HNRNPU: variants seen among roughly 807,000 people sequenced by gnomAD.
HNRNPU encodes the protein HNRNPU antisense RNA 1.
HNRNPU carries 5 observed loss-of-function variants against 94.7 expected under a neutral mutation model. The ratio of observed to expected loss-of-function variants is 0.05; its 90% CI spans 0.03 to 0.11. The LOEUF (loss-of-function observed/expected upper bound fraction) is 0.11. Ranked by LOEUF, HNRNPU falls within the 10% of genes least tolerant of loss-of-function variation. The pLI is 1.00. For missense variants in HNRNPU, 710 were observed against 1,049.2 expected, an observed-to-expected ratio of 0.68 and a Z score of 4.47; for synonymous variants, 434 against 381.6, an observed-to-expected ratio of 1.14 and a Z score of -1.60.
Position 244,863,819 on chromosome 1 carries a change from A to C in HNRNPU, c.489T>G (p.Pro163=), listed in dbSNP as rs760562563. 38 of 1,607,932 alleles carry C rather than the reference A, an allele frequency of 2.4e-5. No individual in the cohort carries two copies. Among genetic ancestry groups the C allele is most frequent in the Non-Finnish European group, 3.2e-5 (38 of 1,178,022 alleles). ...GTTGCTGCTGCGTCGCCGGCGGTTGAGGCTGCTGCTCCCCGTGCCCGTTCT... is the reference window on the plus strand; with the variant it reads ...GTTGCTGCTGCGTCGCCGGCGGTTGCGGCTGCTGCTCCCCGTGCCCGTTCT... The part of the protein sequence containing the change: ...GDENGHGEQQ[P]QPPATQQQQP... Residue 163 remains proline, a synonymous_variant, in exon 1 of 14, where the codon CCT becomes CCG. Coordinates refer to ENST00000640218, the MANE Select transcript of HNRNPU (RefSeq NM_031844.3).
In HNRNPU at chr1:244,856,711, T is replaced by G; in HGVS notation, c.1743+17A>C. On this transcript the variant is annotated intron_variant, in intron 9 of 13. Coordinates refer to ENST00000640218, the MANE Select transcript of HNRNPU (RefSeq NM_031844.3). ...AATTATCAGTTAATATTTTTCAATTTCAAAGCTACAGCGTACCTGATCCAG... is the reference window on the plus strand; with the variant it reads ...AATTATCAGTTAATATTTTTCAATTGCAAAGCTACAGCGTACCTGATCCAG... 1 of 1,606,686 alleles carries G rather than the reference T, an allele frequency of 6.2e-7. No homozygotes were observed. Among genetic ancestry groups the G allele is most frequent in the African/African-American group, 1.3e-5 (1 of 74,330 alleles).
At chr1:244,859,779 T>C (rs998649916) in intron 4 of HNRNPU, 7 of 158,530 alleles carry the variant, frequency 4.4e-5, no homozygotes, top group African/African-American at 7.2e-5. Flanking sequence ...TAGCTCTGCA[T>C]GGCAAGTTCT....
chr1:244,858,801 T>C lies in HNRNPU; in HGVS notation c.1158A>G (p.Ile386Met). The change falls in exon 6 of 14, where the codon ATA (isoleucine) becomes ATG (methionine). Residue 386 changes from isoleucine to methionine, a missense_variant. This residue lies in a region of HNRNPU where 150 missense variants were observed against 187.9 expected (regional missense o/e 0.80). Coordinates refer to ENST00000640218, the MANE Select transcript of HNRNPU (RefSeq NM_031844.3). Reference sequence around the variant, plus strand: ...CTTCAGTCTCACAGTTGCATGTTTTTATTCCTTTTAGAGAATACCCATAAG... The same window carrying C: ...CTTCAGTCTCACAGTTGCATGTTTTCATTCCTTTTAGAGAATACCCATAAG... The part of the protein sequence containing the change: ...EFSYGYSLKG[I>M]KTCNCETEDY... The C allele has an allele frequency of 1.3e-6, 2 of 1,584,820 alleles. No individual in the cohort carries two copies. The highest frequency in any genetic ancestry group is 1.7e-6 in the Non-Finnish European group (2 of 1,154,028).
intron 10 of HNRNPU, 70 bp downstream of exon 10, chr1:244,856,387 G>A: frequency 6.9e-7 from 1 of 1,459,170 alleles, no homozygotes; most frequent in Middle Eastern, 1.8e-4. Context: ...AGTTACACAA[G>A]CAGAATATGT....
At position 244,851,392 on chromosome 1, in the gene HNRNPU, T is replaced by C. The variant is rs1383480501; in HGVS notation, c.*3058A>G. ...ACATGGTCCTAGAATAAAAAGTCAA[T>C]TTATATTGTGAATAAATTTATCAAA... On this transcript the variant is annotated 3_prime_UTR_variant, in exon 14 of 14. Coordinates refer to ENST00000640218, the MANE Select transcript of HNRNPU (RefSeq NM_031844.3). The C allele has an allele frequency of 6.6e-6, 1 of 152,200 alleles. No individual in the cohort carries two copies. The highest frequency in any genetic ancestry group is 6.5e-5 in the Admixed American group (1 of 15,272). 9.4% of individuals were successfully genotyped at this position (152,200 alleles called of 1,614,324 possible). A position where few individuals can be genotyped will look rare whatever the true frequency, so the allele number is the denominator to read the frequency against.
chr1:244,855,607 G>A lies in HNRNPU; in HGVS notation c.2169C>T (p.Ala723=), dbSNP rs11537737. ...NMRGGNFRGG[A]PGNRGGYNRR... ...TATTATATCCGCCACGATTCCCAGG[G>A]GCTAAAAGACAAGAGCTGTTTTAGT... The change falls in exon 12 of 14, where the codon GCC becomes GCT. Residue 723 remains alanine, a splice_region_variant and synonymous_variant. Transcript: ENST00000640218. 11,138 of 1,613,750 alleles carry A rather than the reference G, an allele frequency of 6.9e-3. 48 individuals carry two copies. The highest frequency in any genetic ancestry group is 8.2e-3 in the Non-Finnish European group (9,616 of 1,179,834).
At position 244,860,317 on chromosome 1, in the gene HNRNPU, T is replaced by C; in HGVS notation, c.1017+18A>G. 1 of 1,603,130 alleles carries C rather than the reference T, an allele frequency of 6.2e-7. No individual in the cohort carries two copies. Among genetic ancestry groups the C allele is most frequent in the Non-Finnish European group, 8.5e-7 (1 of 1,174,252 alleles). ...CTGTCTCCACAAACAAACAAACAAATCATAAAATTGCATTTACCTTCATCT... is the reference window on the plus strand; with the variant it reads ...CTGTCTCCACAAACAAACAAACAAACCATAAAATTGCATTTACCTTCATCT... On this transcript the variant is annotated intron_variant, in intron 4 of 13. Transcript: ENST00000640218.
Position 244,862,631 on chromosome 1 carries a change from T to C in HNRNPU, c.791A>G (p.Asn264Ser), listed in dbSNP as rs779965460. ...GRGYFEYIEE[N>S]KYSRAKSPQP... ...GAGCATCCTATACCTGCTATACTTGTTCTCTTCAATGTACTCAAAATATCC... is the reference window on the plus strand; with the variant it reads ...GAGCATCCTATACCTGCTATACTTGCTCTCTTCAATGTACTCAAAATATCC... Residue 264 changes from asparagine to serine, a missense_variant, in exon 2 of 14, where the codon AAC becomes AGC. By Grantham distance (46) the Asn-to-Ser change is conservative. This residue lies in a region of HNRNPU where 13 missense variants were observed against 45.3 expected (regional missense o/e 0.29). Coordinates refer to ENST00000640218, the MANE Select transcript of HNRNPU (RefSeq NM_031844.3). 1 of 1,613,098 alleles carries C rather than the reference T, an allele frequency of 6.2e-7. No homozygotes were observed. Among genetic ancestry groups the C allele is most frequent in the Non-Finnish European group, 8.5e-7 (1 of 1,179,070 alleles).
rs1447036653 is a variant in HNRNPU at position 244,860,436 on chromosome 1, G to A, written c.916C>T (p.Leu306Phe). 1.2e-6 allele frequency: 2 copies of A among 1,602,250 alleles called. No individual in the cohort carries two copies. Among genetic ancestry groups the A allele is most frequent in the South Asian group, 2.2e-5 (2 of 90,836 alleles). The change falls in exon 4 of 14, where the codon CTC becomes TTC. Residue 306 changes from leucine (L) to phenylalanine (F), a missense_variant. Around this residue, in one of 8 missense-constraint regions of HNRNPU, gnomAD observed 31 missense variants for 86.8 expected, o/e 0.36. Transcript: ENST00000640218. ...TCCATTGTAAGGGAAGAAGCACTGA[G>A]ACGATCTCTTGATATTTTAAAATGT... ...DLHFKISRDRLSASSLTMESF... is the reference protein window; with the variant it reads ...DLHFKISRDRFSASSLTMESF...
chr1:244,860,197 G>T (rs1680789378), intron 4 of HNRNPU, 138 bp downstream of exon 4: 2 of 641,072 alleles, frequency 3.1e-6, no homozygotes, highest in Admixed American at 6.5e-5. Flanking sequence ...CTACTTGAGA[G>T]ACTGAAGCAA....
At chr1:244,861,237 T>C (rs1573334499) in intron 3 of HNRNPU, 1 of 152,198 alleles carries the variant, frequency 6.6e-6, no homozygotes, top group Non-Finnish European at 1.5e-5. Context: ...AAATCTACAG[T>C]TTGGAATTTT....
At chr1:244,857,925 A>C (rs748408541) in intron 7 of HNRNPU, 86 bp downstream of exon 7, 3 of 1,382,390 alleles carry the variant, frequency 2.2e-6, no homozygotes, top group Admixed American at 2.2e-5. Context: ...AATGAAACAG[A>C]CTAATCATCT....
rs779265275 is a variant in HNRNPU, at chr1:244,864,017, G to A, written c.291C>T (p.Ser97=). 8.1e-6 allele frequency: 13 copies of A among 1,612,964 alleles called. No individual in the cohort carries two copies. The highest frequency in any genetic ancestry group is 5.3e-5 in the African/African-American group (4 of 74,898). The change falls in exon 1 of 14, where the codon TCC becomes TCT. Residue 97 remains serine (S), a synonymous_variant. Transcript: ENST00000640218. ...GCTCCATCTGGTCGCCGTCCAGAGC[G>A]GAGATTCCTTCCTCCTCCTCTTCCT... ...EEEEEEEEGI[S]ALDGDQMELG...
In HNRNPU at chr1:244,851,677, A is replaced by G. The variant is rs1311072278; in HGVS notation, c.*2773T>C. On this transcript the variant is annotated 3_prime_UTR_variant, in exon 14 of 14. Transcript: ENST00000640218. ...ATGAGAGCTTGTTTTTATGTATTTAAGAGTTTCCTCTTGTCATTTCAATGT... is the reference window on the plus strand; with the variant it reads ...ATGAGAGCTTGTTTTTATGTATTTAGGAGTTTCCTCTTGTCATTTCAATGT... The G allele has an allele frequency of 2.0e-5, 3 of 152,240 alleles. No homozygotes were observed. The highest frequency in any genetic ancestry group is 2.9e-5 in the Non-Finnish European group (2 of 68,048). 9.4% of individuals were successfully genotyped at this position (152,240 alleles called of 1,614,324 possible).
At chr1:244,859,602 A>G (rs993028261) in intron 4 of HNRNPU, 5 of 329,654 alleles carry the variant, frequency 1.5e-5, no homozygotes, top group Non-Finnish European at 2.2e-5. Flanking sequence ...AATACTTAAT[A>G]TTTTTAAAGT....
At chr1:244,856,893 G>A (rs747202656) in intron 8 of HNRNPU, 37 bp from the exon 9 acceptor site, 14 of 1,542,804 alleles carry the variant, frequency 9.1e-6, no homozygotes, top group Admixed American at 8.2e-5. Context: ...TTGAACTTGT[G>A]AATTTTAATA....
intron 11 of HNRNPU, 36 bp downstream of exon 11, chr1:244,855,868 C>T: frequency 6.2e-7 from 1 of 1,604,312 alleles, no homozygotes; most frequent in Non-Finnish European, 8.5e-7. Flanking sequence ...TTGTTTCGAT[C>T]CTGAACTAAA....
At chr1:244,860,279 G>A (rs1312810074) in intron 4 of HNRNPU, 56 bp downstream of exon 4, 5 of 1,510,498 alleles carry the variant, frequency 3.3e-6, no homozygotes, top group Non-Finnish European at 4.5e-6. Context: ...CCAGCCTAGG[G>A]AACAGAGTGA....
In HNRNPU at chr1:244,864,486, C is replaced by G; in HGVS notation, c.-179G>C. ...GTCGAACGGCGCCAATTCCTTTCAC[C>G]GAGTTCGCGAGGGAGACGCGGAGAC... On this transcript the variant is annotated 5_prime_UTR_variant, in exon 1 of 14. Transcript: ENST00000640218. 6.6e-6 allele frequency: 7 copies of G among 1,057,220 alleles called. No homozygotes were observed. The highest frequency in any genetic ancestry group is 9.2e-6 in the Non-Finnish European group (7 of 761,500). The allele number at this position is 1,057,220 out of a possible 1,614,324, so 65.5% of individuals were successfully genotyped here.
Sources: gnomAD v4.1 joint callset for allele counts on GRCh38, gnomAD v4.1.1 for gene constraint, gnomAD v4.1.1 regional missense constraint, MANE v1.5 for transcripts, NCBI Gene and HGNC (gene_info 2026-07-23, HGNC 2026-07-21) for gene names.